The following MIA2 variants were observed in gnomAD, a reference collection of about 807,000 sequenced individuals.
The protein encoded by MIA2 is melanoma inhibitory activity protein 2.
In MIA2, 127 loss-of-function variants were observed where a neutral mutation model predicts 167.8. The observed-to-expected ratio is 0.76, with a 90% confidence interval of 0.66 to 0.88. MIA2 has a LOEUF of 0.88. MIA2 is among the 40% of genes least tolerant of loss of function. The pLI is 0.00. For missense variants in MIA2, 1,690 were observed against 1,624.7 expected, an observed-to-expected ratio of 1.04 and a Z score of -0.69; for synonymous variants, 552 against 541.9, an observed-to-expected ratio of 1.02 and a Z score of -0.26.
At chr14:39,331,534 C>G (rs2068870827) in intron 25 of MIA2, among the ~76,000 whole-genome samples, 1 of 152,144 alleles carries the variant, frequency 6.6e-6, no homozygotes, top group South Asian at 2.1e-4. Context: ...TTAGTTGATG[C>G]AGTTTCTTCA....
chr14:39,380,423 T>A (rs530016743), intron 23 of MIA2, among the ~76,000 whole-genome samples: 14 of 152,080 alleles, frequency 9.2e-5, no homozygotes, highest in Admixed American at 6.6e-5. Context: ...GCTGGAGTGC[T>A]GTGGCTCACA....
intron 23 of MIA2, among the ~76,000 whole-genome samples, chr14:39,379,116 C>T (rs912208040): frequency 2.0e-5 from 3 of 152,022 alleles, no homozygotes; most frequent in Admixed American, 6.5e-5. Context: ...ATGGAATTTC[C>T]ATAAACCTTT....
At position 39,321,012 on chromosome 14, in the gene MIA2, G is replaced by T. The variant is rs777351502; in HGVS notation, c.3452G>T (p.Gly1151Val). The T allele has an allele frequency of 6.2e-7, 1 of 1,613,414 alleles. No homozygotes were observed. Among genetic ancestry groups the T allele is most frequent in the South Asian group, 1.1e-5 (1 of 91,050 alleles). Residue 1151 changes from glycine (G) to valine (V), a missense_variant, in exon 24 of 29, where the codon GGT becomes GTT. Coordinates refer to ENST00000640607, the MANE Select transcript of MIA2 (RefSeq NM_001329214.4). ...AFLSPPTLLE[G>V]PLRLSPLLPG... ...CTCTCTCCTCCAACTTTGTTGGAGG[G>T]TCCACTCAGACTCTCACCTTTGCTT...
intron 21 of MIA2, among the ~76,000 whole-genome samples, chr14:39,316,635 G>T (rs978091369): frequency 2.0e-5 from 3 of 152,166 alleles, no homozygotes; most frequent in Admixed American, 6.5e-5. Flanking sequence ...GAGAGATTAG[G>T]TGTGGTGAAT....
At chr14:39,360,406 T>A (rs1203673489) in intron 23 of MIA2, among the ~76,000 whole-genome samples, 8 of 152,218 alleles carry the variant, frequency 5.3e-5, no homozygotes, top group African/African-American at 9.6e-5. Flanking sequence ...GTTGGCCATT[T>A]GTATGTCTTT....
At chr14:39,328,443 T>C (rs2068034568) in intron 25 of MIA2, among the ~76,000 whole-genome samples, 1 of 152,244 alleles carries the variant, frequency 6.6e-6, no homozygotes, top group Non-Finnish European at 1.5e-5. Context: ...GTAGTTTCTT[T>C]TGCTGTGCAG....
intron 13 of MIA2, among the ~76,000 whole-genome samples, chr14:39,296,191 T>G (rs919057148): frequency 3.3e-5 from 5 of 152,192 alleles, no homozygotes; most frequent in Non-Finnish European, 7.4e-5. Context: ...CTGAGCCCTT[T>G]TGCGGTTAAT....
chr14:39,327,117 C>T, intron 25 of MIA2, 95 bp downstream of exon 25: 1 of 957,390 alleles, frequency 1.0e-6, no homozygotes, highest in Non-Finnish European at 1.4e-6. Context: ...TGTTTGTTCT[C>T]TCTTAAGAAA....
At chr14:39,360,911 T>A (rs1386122791) in intron 23 of MIA2, among the ~76,000 whole-genome samples, 1 of 152,238 alleles carries the variant, frequency 6.6e-6, no homozygotes, top group Non-Finnish European at 1.5e-5. Context: ...TTGAGAGTGT[T>A]CTTTCCTCCA....
Position 39,277,690 on chromosome 14 carries a change from GTGTA to G in MIA2, c.2019+627_2019+630del, listed in dbSNP as rs1170797287. On this transcript the variant is annotated intron_variant, in intron 7 of 28. Transcript: ENST00000640607. Reference sequence around the variant, plus strand: ...AGATCTTTTATATATATATATATGTGTGTATATATATATATATATATATATGTGT... The same window carrying G: ...AGATCTTTTATATATATATATATGTGTATATATATATATATATATATGTGT... Among the ~76,000 whole-genome samples, 9 of 4,416 alleles carry G rather than the reference GTGTA, an allele frequency of 2.0e-3. 1 individual carries two copies. The highest frequency in any genetic ancestry group is 9.7e-3 in the African/African-American group (9 of 924). 2.9% of individuals were successfully genotyped at this position (4,416 alleles called of 152,430 possible).
downstream of MIA2, chr14:39,351,072 G>A (rs2074341621): frequency 6.6e-6 from 1 of 151,952 alleles, no homozygotes; most frequent in South Asian, 2.1e-4. Context: ...TTGAGCTTTG[G>A]ACTCAATATC....
In MIA2 at chr14:39,238,811, A is replaced by AAAAAAAAAC; in HGVS notation, c.250-1750_250-1749insAAAAAAAAC. Among the ~76,000 whole-genome samples the AAAAAAAAAC allele has an allele frequency of 2.3e-3, 235 of 103,574 alleles. 23 individuals carry two copies. The highest frequency in any genetic ancestry group is 8.1e-3 in the African/African-American group (206 of 25,526). 67.9% of individuals were successfully genotyped at this position (103,574 alleles called of 152,430 possible). On this transcript the variant is annotated intron_variant, in intron 2 of 28. Coordinates refer to ENST00000640607, the MANE Select transcript of MIA2 (RefSeq NM_001329214.4). Reference sequence around the variant, plus strand: ...CCTGTCTCAAAAAAAAAAAAAAAAAACCCAAAAAACAAAAAAACCTAGCTG... The same window carrying AAAAAAAAAC: ...CCTGTCTCAAAAAAAAAAAAAAAAAAAAAAAAAACCCCAAAAAACAAAAAAACCTAGCTG...
At chr14:39,306,979 T>C (rs1185285330) in intron 17 of MIA2, among the ~76,000 whole-genome samples, 1 of 152,190 alleles carries the variant, frequency 6.6e-6, no homozygotes, top group Admixed American at 6.5e-5. Context: ...ATTTTTATTT[T>C]ATAGATTTTT....
intron 23 of MIA2, among the ~76,000 whole-genome samples, chr14:39,363,207 T>C (rs2074731053): frequency 2.6e-5 from 4 of 152,382 alleles, no homozygotes; most frequent in African/African-American, 9.6e-5. Flanking sequence ...ATATCTGTTA[T>C]GTCTATTTGG....
At chr14:39,341,161 G>A (rs1455773224) in intron 25 of MIA2, among the ~76,000 whole-genome samples, 1 of 152,056 alleles carries the variant, frequency 6.6e-6, no homozygotes, top group Non-Finnish European at 1.5e-5. Context: ...AATTAGCCGG[G>A]TGTGGTGGCA....
chr14:39,348,182 C>G (rs2073835933), intron 27 of MIA2, among the ~76,000 whole-genome samples: 1 of 152,082 alleles, frequency 6.6e-6, no homozygotes, highest in Admixed American at 6.6e-5. Context: ...AGCTAATAAT[C>G]TAGGTTTTGA....
chr14:39,271,739 G>T (rs528039377), intron 6 of MIA2, among the ~76,000 whole-genome samples: 1 of 151,720 alleles, frequency 6.6e-6, no homozygotes, highest in Non-Finnish European at 1.5e-5. Context: ...AGACCAGCCC[G>T]GGCAACTTGG....
At chr14:39,360,431 A>G (rs1199049153) in intron 23 of MIA2, among the ~76,000 whole-genome samples, 11 of 150,442 alleles carry the variant, frequency 7.3e-5, no homozygotes, top group African/African-American at 1.7e-4. Context: ...ATTTGAATTC[A>G]TGTCCTTTGC....
At chr14:39,273,712 A>G (rs910520654) in intron 6 of MIA2, among the ~76,000 whole-genome samples, 1 of 151,710 alleles carries the variant, frequency 6.6e-6, no homozygotes. Flanking sequence ...TCCTTTTTAT[A>G]TGTTGCTGGA....
Sources: gnomAD v4.1 joint callset for allele counts (sites outside exome capture counted in the v4.1 genomes callset) on GRCh38, gnomAD v4.1.1 for gene constraint, MANE v1.5 for transcripts, NCBI Gene and HGNC (gene_info 2026-07-23, HGNC 2026-07-21) for gene names.